PRG4: variants seen among roughly 807,000 people sequenced by gnomAD.
PRG4 encodes the protein articular superficial zone protein.
PRG4 carries 61 observed loss-of-function variants against 91.2 expected under a neutral mutation model. The ratio of observed to expected loss-of-function variants is 0.67; its 90% CI spans 0.54 to 0.83. The LOEUF (loss-of-function observed/expected upper bound fraction) is 0.83, where lower values mean the gene tolerates loss of function less well. PRG4 is among the 40% of genes least tolerant of loss of function. The probability of loss-of-function intolerance (pLI) is 0.00; values close to 1 mark genes in which losing one functional copy is unlikely to be tolerated. For missense variants in PRG4, 1,564 were observed against 1,714.2 expected (o/e 0.91, Z 1.55); for synonymous variants, 576 against 614.2 (o/e 0.94, Z 0.92).
chr1:186,311,737 G>T, intron 10 of PRG4, 141 bp downstream of exon 10: 2 of 904,928 alleles, frequency 2.2e-6, no homozygotes, highest in African/African-American at 1.7e-5. Context: ...CAATATTGAG[G>T]GTAGTATTCT....
chr1:186,299,588 T>C (rs1165086990), intron 2 of PRG4, among the ~76,000 whole-genome samples: 1 of 152,228 alleles, frequency 6.6e-6, no homozygotes, highest in Non-Finnish European at 1.5e-5. Context: ...AATTAACCTA[T>C]GATGCCAATA....
In PRG4 at chr1:186,301,653, C is replaced by A; in HGVS notation, c.261C>A (p.Asp87Glu). ...SFERGRECDC[D>E]AQCKKYDKCC... ...AGAGAGGGAGGGAGTGTGACTGCGA[C>A]GCCCAATGTAAGAAGTATGACAAGT... The change falls in exon 4 of 13, where the codon GAC (aspartate) becomes GAA (glutamate). Residue 87 changes from aspartate (D) to glutamate (E), a missense_variant. Asp to Glu is a conservative substitution (Grantham distance 45, BLOSUM62 2). Around this residue, in one of 3 missense-constraint regions of PRG4, gnomAD observed 437 missense variants for 459.0 expected, o/e 0.95. Coordinates refer to ENST00000445192, the MANE Select transcript of PRG4 (RefSeq NM_005807.6). 6.2e-7 allele frequency: 1 copy of A among 1,613,730 alleles called. No individual in the cohort carries two copies. The highest frequency in any genetic ancestry group is 8.5e-7 in the Non-Finnish European group (1 of 1,179,702).
In PRG4 at chr1:186,308,529, T is replaced by A. The variant is rs763562501; in HGVS notation, c.2810T>A (p.Met937Lys). The change falls in exon 7 of 13, where the codon ATG (methionine) becomes AAG (lysine). Residue 937 changes from methionine to lysine, a missense_variant. Physicochemically the swap from Met to Lys is moderately conservative, Grantham distance 95 (BLOSUM62 -1). Transcript: ENST00000445192. ...TPETTTAAPK[M>K]TKETATTTEK... ...GAAACTACAACTGCTGCACCTAAGA[T>A]GACAAAAGAGACAGCAACTACAACA... 6.2e-7 allele frequency: 1 copy of A among 1,613,634 alleles called. No individual in the cohort carries two copies. The highest frequency in any genetic ancestry group is 8.5e-7 in the Non-Finnish European group (1 of 1,180,008).
chr1:186,301,529 G>A lies in PRG4; in HGVS notation c.200-63G>A, dbSNP rs558983535. Reference sequence around the variant, plus strand: ...GTCAAGTCTAAGGTGGGAAATGGCTGTCAAATACGTGGGCCTGGCTTCACA... The same window carrying A: ...GTCAAGTCTAAGGTGGGAAATGGCTATCAAATACGTGGGCCTGGCTTCACA... On this transcript the variant is annotated intron_variant, in intron 3 of 12. Coordinates refer to ENST00000445192, the MANE Select transcript of PRG4 (RefSeq NM_005807.6). The A allele has an allele frequency of 1.3e-5, 21 of 1,609,552 alleles. No homozygotes were observed. The East Asian group carries it at 1.3e-4, about 10-fold the overall frequency.
In PRG4 at chr1:186,312,232, G is replaced by T; in HGVS notation, c.3851G>T (p.Arg1284Ile). 1 of 1,614,092 alleles carries T rather than the reference G, an allele frequency of 6.2e-7. No homozygotes were observed. The highest frequency in any genetic ancestry group is 8.5e-7 in the Non-Finnish European group (1 of 1,179,986). ...GAACCTGTACAGAAGTGCCCTGGAA[G>T]AAGGCCTGCTCTAAATTATCCAGTG... is the stretch of plus-strand genomic sequence containing the variant. ...KQEPVQKCPG[R>I]RPALNYPVYG... Residue 1284 changes from arginine to isoleucine, a missense_variant, in exon 11 of 13, where the codon AGA becomes ATA. Arg to Ile is a moderately conservative substitution (Grantham distance 97). Coordinates refer to ENST00000445192, the MANE Select transcript of PRG4 (RefSeq NM_005807.6).
chr1:186,302,072 A>T (rs559239903), intron 4 of PRG4, among the ~76,000 whole-genome samples: 1 of 152,334 alleles, frequency 6.6e-6, no homozygotes, highest in African/African-American at 2.4e-5. Context: ...GACTTCACGA[A>T]GTCAACTATC....
Position 186,311,031 on chromosome 1 carries a change from T to C in PRG4, c.3500-3T>C, listed in dbSNP as rs1657178090. ...TAGGCTGATGTCTTTCCTTAAATTTTAGGTCATTATTTCTGGATGCTAAGT... is the reference window on the plus strand; with the variant it reads ...TAGGCTGATGTCTTTCCTTAAATTTCAGGTCATTATTTCTGGATGCTAAGT... On this transcript the variant is annotated splice_polypyrimidine_tract_variant and splice_region_variant and intron_variant, in intron 8 of 12. Coordinates refer to ENST00000445192, the MANE Select transcript of PRG4 (RefSeq NM_005807.6). The C allele has an allele frequency of 3.7e-6, 6 of 1,614,114 alleles. No individual in the cohort carries two copies. The highest frequency in any genetic ancestry group is 5.1e-6 in the Non-Finnish European group (6 of 1,179,976).
rs1656214139 is a variant in PRG4 at position 186,301,454 on chromosome 1, G to A, written c.200-138G>A. On this transcript the variant is annotated intron_variant, in intron 3 of 12. Coordinates refer to ENST00000445192, the MANE Select transcript of PRG4 (RefSeq NM_005807.6). The stretch of plus-strand genomic sequence containing the variant: ...TACCATCTAATTTTTCCTGGATGAT[G>A]TACTCCAAATTTCAAATAAAAGACT... 43 of 1,245,720 alleles carry A rather than the reference G, an allele frequency of 3.5e-5. No individual in the cohort carries two copies. In the South Asian group the frequency reaches 5.2e-4, roughly 15 times the overall value. The allele number at this position is 1,245,720 out of a possible 1,614,324, so 77.2% of individuals were successfully genotyped here. A position where few individuals can be genotyped will look rare whatever the true frequency, so the allele number is the denominator to read the frequency against.
chr1:186,305,887 C>A (rs998828256), intron 6 of PRG4, among the ~76,000 whole-genome samples: 2 of 152,098 alleles, frequency 1.3e-5, no homozygotes, highest in African/African-American at 4.8e-5. Flanking sequence ...GCAGATTGCT[C>A]AGAGGTAGCT....
At position 186,308,405 on chromosome 1, in the gene PRG4, C is replaced by G; in HGVS notation, c.2686C>G (p.Pro896Ala). ...AGCTCTTGAAAACAGTCCCAAGGAACCTGGTGTACCTACAACTAAGACTCC... is the reference window on the plus strand; with the variant it reads ...AGCTCTTGAAAACAGTCCCAAGGAAGCTGGTGTACCTACAACTAAGACTCC... ...PKALENSPKE[P>A]GVPTTKTPAA... is the part of the protein sequence containing the mutation. The change falls in exon 7 of 13, where the codon CCT (proline) becomes GCT (alanine). Residue 896 changes from proline to alanine, a missense_variant. Coordinates refer to ENST00000445192, the MANE Select transcript of PRG4 (RefSeq NM_005807.6). The G allele has an allele frequency of 3.7e-6, 6 of 1,613,934 alleles. No individual in the cohort carries two copies. The South Asian group carries it at 6.6e-5, about 18-fold the overall frequency.
Position 186,309,105 on chromosome 1 carries a change from C to A in PRG4, c.3386C>A (p.Pro1129His), listed in dbSNP as rs1288091512. 6.2e-7 allele frequency: 1 copy of A among 1,613,766 alleles called. No individual in the cohort carries two copies. Among genetic ancestry groups the A allele is most frequent in the Non-Finnish European group, 8.5e-7 (1 of 1,179,860 alleles). ...TPDMDYLPRV[P>H]NQGIIINPML... Reference sequence around the variant, plus strand: ...GACATGGATTACTTACCGAGAGTACCCAATCAAGGCATTATCATCAATCCC... The same window carrying A: ...GACATGGATTACTTACCGAGAGTACACAATCAAGGCATTATCATCAATCCC... The change falls in exon 7 of 13, where the codon CCC becomes CAC. Residue 1129 changes from proline to histidine, a missense_variant. By Grantham distance (77) the Pro-to-His change is moderately conservative (BLOSUM62 -2). Coordinates refer to ENST00000445192, the MANE Select transcript of PRG4 (RefSeq NM_005807.6).
In PRG4 at chr1:186,307,145, C is replaced by T. The variant is rs150525354; in HGVS notation, c.1426C>T (p.Pro476Ser). The change falls in exon 7 of 13, where the codon CCC becomes TCC. Residue 476 changes from proline to serine, a missense_variant. Transcript: ENST00000445192. ...EPAPTTKEPA[P>S]TTPKEPAPTA... ...TGCACCCACCACCAAGGAGCCTGCA[C>T]CCACCACTCCCAAAGAGCCTGCACC... 62 of 1,158,960 alleles carry T rather than the reference C, an allele frequency of 5.3e-5. 3 individuals carry two copies. In the African/African-American group the frequency reaches 9.2e-4, roughly 17 times the overall value. The allele number at this position is 1,158,960 out of a possible 1,614,324, so 71.8% of individuals were successfully genotyped here.
rs1259625376 is a variant in PRG4, at chr1:186,308,576, A to G, written c.2857A>G (p.Ile953Val). The G allele has an allele frequency of 6.2e-7, 1 of 1,613,676 alleles. No individual in the cohort carries two copies. Among genetic ancestry groups the G allele is most frequent in the Non-Finnish European group, 8.5e-7 (1 of 1,180,022 alleles). Residue 953 changes from isoleucine (I) to valine (V), a missense_variant, in exon 7 of 13, where the codon ATA (isoleucine) becomes GTA (valine). This residue lies in a region of PRG4 where 1,079 missense variants were observed against 1,162.2 expected (regional missense o/e 0.93). Transcript: ENST00000445192. ...AACAGAAAAAACTACCGAATCCAAA[A>G]TAACAGCTACAACCACACAAGTAAC... ...TTTEKTTESK[I>V]TATTTQVTST... is the part of the protein sequence containing the mutation.
At position 186,313,127 on chromosome 1, in the gene PRG4, CTAGAG is replaced by C. The variant is rs1327679232; in HGVS notation, c.4117+236_4117+240del. 7.6e-6 allele frequency: 4 copies of C among 529,568 alleles called. No homozygotes were observed. The Admixed American group carries it at 1.3e-4, about 17-fold the overall frequency. 32.8% of individuals were successfully genotyped at this position (529,568 alleles called of 1,614,324 possible). A position where few individuals can be genotyped will look rare whatever the true frequency, so the allele number is the denominator to read the frequency against. The stretch of plus-strand genomic sequence containing the variant: ...GAGATTACGATAAAACATCCAGTTA[CTAGAG>C]TAAACTTGCTACTGACAATAGTATT... On this transcript the variant is annotated intron_variant, in intron 12 of 12. Transcript: ENST00000445192.
Position 186,309,844 on chromosome 1 carries a change from G to C in PRG4, c.3473G>C (p.Arg1158Pro), listed in dbSNP as rs367898461. The change falls in exon 8 of 13, where the codon CGC becomes CCC. Residue 1158 changes from arginine to proline, a missense_variant. Transcript: ENST00000445192. Reference protein sequence around the residue: ...GKPVDGLTTLRNGTLVAFRGH... With the variant: ...GKPVDGLTTLPNGTLVAFRGH... ...CCAGTAGATGGACTGACTACTTTGCGCAATGGGACATTAGTTGCATTCCGA... is the reference window on the plus strand; with the variant it reads ...CCAGTAGATGGACTGACTACTTTGCCCAATGGGACATTAGTTGCATTCCGA... 1.2e-6 allele frequency: 2 copies of C among 1,613,434 alleles called. No homozygotes were observed. Among genetic ancestry groups the C allele is most frequent in the Admixed American group, 1.7e-5 (1 of 59,984 alleles).
Position 186,308,322 on chromosome 1 carries a change from C to G in PRG4, c.2603C>G (p.Thr868Ser). The change falls in exon 7 of 13, where the codon ACT (threonine) becomes AGT (serine). Residue 868 changes from threonine to serine, a missense_variant. This residue lies in a region of PRG4 where 1,079 missense variants were observed against 1,162.2 expected (regional missense o/e 0.93). Coordinates refer to ENST00000445192, the MANE Select transcript of PRG4 (RefSeq NM_005807.6). ...STPTTTKEPT[T>S]IHKSPDESTP... ...CCAACTACCACCAAGGAGCCTACCA[C>G]TATCCACAAAAGCCCTGATGAATCA... 2.5e-6 allele frequency: 4 copies of G among 1,614,038 alleles called. No homozygotes were observed. Among genetic ancestry groups the G allele is most frequent in the Non-Finnish European group, 3.4e-6 (4 of 1,180,036 alleles).
chr1:186,312,259 A>T lies in PRG4; in HGVS notation c.3878A>T (p.Tyr1293Phe), dbSNP rs1413833151. 3 of 1,613,936 alleles carry T rather than the reference A, an allele frequency of 1.9e-6. No homozygotes were observed. The African/African-American group carries it at 4.0e-5, about 22-fold the overall frequency. ...GRRPALNYPV[Y>F]GETTQVRRRR... Reference sequence around the variant, plus strand: ...AGGCCTGCTCTAAATTATCCAGTGTATGGAGAAACGACACAGGTTAGGAGA... The same window carrying T: ...AGGCCTGCTCTAAATTATCCAGTGTTTGGAGAAACGACACAGGTTAGGAGA... The change falls in exon 11 of 13, where the codon TAT becomes TTT. Residue 1293 changes from tyrosine (Y) to phenylalanine (F), a missense_variant. This residue lies in a region of PRG4 where 1,079 missense variants were observed against 1,162.2 expected (regional missense o/e 0.93). Transcript: ENST00000445192.
intron 10 of PRG4, 33 bp downstream of exon 10, chr1:186,311,629 CT>C (rs1571584825): frequency 2.5e-6 from 4 of 1,594,352 alleles, no homozygotes; most frequent in Non-Finnish European, 3.4e-6. Context: ...GATTACAAAA[CT>C]TTTAAAGAAT....
chr1:186,311,241 TG>T, intron 9 of PRG4, 71 bp downstream of exon 9: 1 of 1,503,192 alleles, frequency 6.7e-7, no homozygotes, highest in Non-Finnish European at 9.2e-7. Flanking sequence ...CAACATATAT[TG>T]CCTTAACCTC....
Sources: allele counts gnomAD v4.1 joint callset (sites outside exome capture counted in the v4.1 genomes callset), GRCh38; gene constraint gnomAD v4.1.1; regional missense constraint gnomAD v4.1.1; transcripts MANE v1.5; gene names NCBI Gene and HGNC (gene_info 2026-07-23, HGNC 2026-07-21).